The following CELF4 variants were observed in gnomAD, a reference collection of about 807,000 sequenced individuals.
CELF4 encodes the protein CUGBP Elav-like family member 4, also known as CUG-BP- and ETR-3-like factor 4.
CELF4 carries 18 observed loss-of-function variants against 59.9 expected under a neutral mutation model. The ratio of observed to expected loss-of-function variants is 0.30; its 90% CI spans 0.21 to 0.45. The LOEUF is 0.45. Among genes scored for constraint, CELF4 ranks in the 20% least tolerant of loss-of-function variants. The probability of loss-of-function intolerance (pLI) is 1.00; values close to 1 mark genes in which losing one functional copy is unlikely to be tolerated. For missense variants in CELF4, 456 were observed against 689.0 expected (o/e 0.66, Z 3.79); for synonymous variants, 261 against 267.1 (o/e 0.98, Z 0.22).
At chr18:37,534,117 A>G (rs374486714) in intron 1 of CELF4, among the ~76,000 whole-genome samples, 2 of 152,348 alleles carry the variant, frequency 1.3e-5, no homozygotes, top group East Asian at 3.9e-4. Context: ...GCCTTATGGC[A>G]TCAGAGCGGC....
At chr18:37,483,635 TG>T (rs2154603109) in intron 2 of CELF4, among the ~76,000 whole-genome samples, 1 of 152,338 alleles carries the variant, frequency 6.6e-6, no homozygotes, top group South Asian at 2.1e-4. Flanking sequence ...GCACAGATTA[TG>T]GGGAACAGTG....
intron 2 of CELF4, among the ~76,000 whole-genome samples, chr18:37,430,972 C>T (rs2099647037): frequency 6.6e-6 from 1 of 152,224 alleles, no homozygotes; most frequent in African/African-American, 2.4e-5. Context: ...TCTTCCCTCC[C>T]ACAACCCTGG....
Position 37,266,519 on chromosome 18 carries a change from G to T in CELF4, c.1165+14C>A. 2 of 1,585,262 alleles carry T rather than the reference G, an allele frequency of 1.3e-6. No individual in the cohort carries two copies. Among genetic ancestry groups the T allele is most frequent in the Non-Finnish European group, 1.7e-6 (2 of 1,166,920 alleles). ...GAGTTGGGGAAGGAGCCGTGGGGAC[G>T]CGTGGATACTAACGACCTGCATACT... On this transcript the variant is annotated intron_variant, in intron 9 of 12. Transcript: ENST00000420428.
At chr18:37,550,627 T>G (rs2099982886) in intron 1 of CELF4, among the ~76,000 whole-genome samples, 1 of 152,248 alleles carries the variant, frequency 6.6e-6, no homozygotes, top group African/African-American at 2.4e-5. Context: ...CAGGCCCCAC[T>G]GGGAGCCCAG....
intron 9 of CELF4, among the ~76,000 whole-genome samples, chr18:37,265,179 A>G (rs1309017133): frequency 2.0e-5 from 3 of 150,590 alleles, no homozygotes; most frequent in Admixed American, 2.0e-4. Context: ...CGTGTACATT[A>G]CATGTGTACA....
chr18:37,496,800 G>A (rs1244355770), intron 1 of CELF4, among the ~76,000 whole-genome samples: 2 of 152,302 alleles, frequency 1.3e-5, no homozygotes, highest in Admixed American at 6.5e-5. Flanking sequence ...ACATCAATAC[G>A]GTAAGTTCAA....
intron 2 of CELF4, among the ~76,000 whole-genome samples, chr18:37,339,152 C>T (rs2097897332): frequency 6.6e-6 from 1 of 152,210 alleles, no homozygotes; most frequent in South Asian, 2.1e-4. Flanking sequence ...TATCTCCTGC[C>T]TCTCTCTCCT....
At chr18:37,482,253 C>T (rs1805233303) in intron 2 of CELF4, among the ~76,000 whole-genome samples, 1 of 152,250 alleles carries the variant, frequency 6.6e-6, no homozygotes, top group Non-Finnish European at 1.5e-5. Flanking sequence ...CCCATGTTGA[C>T]TGTCCCCTGT....
chr18:37,390,724 C>T (rs1481974096), intron 2 of CELF4, among the ~76,000 whole-genome samples: 1 of 145,978 alleles, frequency 6.9e-6, no homozygotes, highest in African/African-American at 2.6e-5. Flanking sequence ...AGAACAAGAG[C>T]CAAGCATGGG....
At chr18:37,518,472 G>T (rs4485443) in intron 1 of CELF4, among the ~76,000 whole-genome samples, 29,014 of 152,102 alleles carry the variant, frequency 0.19, 3,110 homozygotes, top group African/African-American at 0.28. Context: ...GTGACACAGA[G>T]ATAAACAGAC....
intron 2 of CELF4, among the ~76,000 whole-genome samples, chr18:37,327,496 C>G (rs1344221064): frequency 6.6e-6 from 1 of 152,176 alleles, no homozygotes; most frequent in Non-Finnish European, 1.5e-5. Context: ...GGTGTGGAGC[C>G]CAACTGCATT....
At chr18:37,415,976 G>A (rs953565953) in intron 2 of CELF4, among the ~76,000 whole-genome samples, 4 of 152,218 alleles carry the variant, frequency 2.6e-5, no homozygotes, top group Admixed American at 2.6e-4. Context: ...CCAGGGTGGG[G>A]CAGGGAGGAG....
At chr18:37,419,773 C>T (rs962557549) in intron 2 of CELF4, among the ~76,000 whole-genome samples, 4 of 152,190 alleles carry the variant, frequency 2.6e-5, no homozygotes, top group Non-Finnish European at 5.9e-5. Context: ...AGGGTCCCTA[C>T]AGGATTTTTT....
At chr18:37,424,517 C>A (rs1219141900) in intron 2 of CELF4, among the ~76,000 whole-genome samples, 1 of 152,192 alleles carries the variant, frequency 6.6e-6, no homozygotes, top group Non-Finnish European at 1.5e-5. Context: ...GCTCCAGGAC[C>A]AAGCACCTCT....
chr18:37,517,803 C>T (rs2099952546), intron 1 of CELF4, among the ~76,000 whole-genome samples: 1 of 152,150 alleles, frequency 6.6e-6, no homozygotes, highest in African/African-American at 2.4e-5. Context: ...TCTGTGGGAC[C>T]TCCGAGGGTC....
chr18:37,426,666 G>GGTGC (rs2099614770), intron 2 of CELF4, among the ~76,000 whole-genome samples: 1 of 152,230 alleles, frequency 6.6e-6, no homozygotes, highest in African/African-American at 2.4e-5. Context: ...CAGAGGGTGC[G>GGTGC]GTGCGGGAGG....
chr18:37,399,179 A>G (rs77308834), intron 2 of CELF4, among the ~76,000 whole-genome samples: 5,617 of 152,218 alleles, frequency 0.037, 359 homozygotes, highest in African/African-American at 0.13. Flanking sequence ...ACTCATACTG[A>G]AAATTTAATT....
At chr18:37,273,529 T>G (rs2092294562) in intron 6 of CELF4, 1 of 1,012,800 alleles carries the variant, frequency 9.9e-7, no homozygotes, top group African/African-American at 1.7e-5. Flanking sequence ...TCTGCAGAAC[T>G]CACTTAGCAC....
At chr18:37,302,446 C>T (rs2096119458) in intron 3 of CELF4, among the ~76,000 whole-genome samples, 1 of 152,206 alleles carries the variant, frequency 6.6e-6, no homozygotes, top group South Asian at 2.1e-4. Flanking sequence ...CCAACATCAG[C>T]CAGCAACATG....
Sources: allele counts gnomAD v4.1 joint callset (sites outside exome capture counted in the v4.1 genomes callset), GRCh38; gene constraint gnomAD v4.1.1; transcripts MANE v1.5; gene names NCBI Gene and HGNC (gene_info 2026-07-23, HGNC 2026-07-21).